The following PRELID2 variants were observed in gnomAD, a reference collection of about 807,000 sequenced individuals.
The protein encoded by PRELID2 is PRELI domain-containing protein 2.
In PRELID2, 25 loss-of-function variants were observed where a neutral mutation model predicts 28.4. The ratio of observed to expected loss-of-function variants is 0.88; its 90% CI spans 0.64 to 1.23. The LOEUF (loss-of-function observed/expected upper bound fraction) is 1.23. PRELID2 is among the 50% of genes most tolerant of loss of function. The pLI is 0.00. For missense variants in PRELID2, 201 were observed against 214.4 expected (o/e 0.94, Z 0.39); for synonymous variants, 76 against 71.6 (o/e 1.06, Z -0.31).
intron 1 of PRELID2, among the ~76,000 whole-genome samples, chr5:145,828,465 T>C (rs924372645): frequency 6.6e-6 from 1 of 152,160 alleles, no homozygotes; most frequent in Non-Finnish European, 1.5e-5. Flanking sequence ...TAGAAGATAA[T>C]ATATCTGATT....
At chr5:145,683,376 T>A (rs777513681) in intron 1 of PRELID2, among the ~76,000 whole-genome samples, 20 of 152,202 alleles carry the variant, frequency 1.3e-4, no homozygotes, top group Non-Finnish European at 2.4e-4. Flanking sequence ...ACCAGTATAC[T>A]GGTGTGCTAG....
intron 1 of PRELID2, among the ~76,000 whole-genome samples, chr5:145,708,346 T>C (rs1443818210): frequency 2.0e-5 from 3 of 152,234 alleles, no homozygotes; most frequent in Non-Finnish European, 4.4e-5. Context: ...ATTGGCTGTG[T>C]GACCTTAAGC....
chr5:145,572,893 G>A (rs1374386005), intron 1 of PRELID2, among the ~76,000 whole-genome samples: 1 of 152,084 alleles, frequency 6.6e-6, no homozygotes, highest in African/African-American at 2.4e-5. Flanking sequence ...ACTCTTGTGG[G>A]GTATACTTTG....
intron 1 of PRELID2, among the ~76,000 whole-genome samples, chr5:145,557,379 C>G (rs1389714177): frequency 6.6e-6 from 1 of 152,178 alleles, no homozygotes; most frequent in Non-Finnish European, 1.5e-5. Context: ...GGACCAAAAT[C>G]ATTTAGAAAC....
At chr5:145,317,543 C>A in the PRELID2 span, among the ~76,000 whole-genome samples, 1 of 152,130 alleles carries the variant, frequency 6.6e-6, no homozygotes, top group Non-Finnish European at 1.5e-5. Context: ...CTTTGTTTAC[C>A]AGTCTGCCAG....
the PRELID2 span, among the ~76,000 whole-genome samples, chr5:145,266,645 A>G: frequency 1.3e-5 from 2 of 152,188 alleles, no homozygotes; most frequent in African/African-American, 4.8e-5. Context: ...TCCTTAAAGA[A>G]CTAAAAGTTG....
At chr5:145,643,315 T>C (rs188082073) in intron 1 of PRELID2, among the ~76,000 whole-genome samples, 1 of 152,264 alleles carries the variant, frequency 6.6e-6, no homozygotes, top group African/African-American at 2.4e-5. Flanking sequence ...TGGCTCTTTG[T>C]CTGTTATTGG....
chr5:145,708,624 A>G (rs872566), intron 1 of PRELID2, among the ~76,000 whole-genome samples: 29,775 of 152,098 alleles, frequency 0.2, 3,510 homozygotes, highest in African/African-American at 0.33. Flanking sequence ...TATTCTCTAC[A>G]TTTGCATTGC....
the PRELID2 span, among the ~76,000 whole-genome samples, chr5:145,335,125 C>T: frequency 6.6e-6 from 1 of 151,838 alleles, no homozygotes; most frequent in Non-Finnish European, 1.5e-5. Context: ...TGATGGTGTC[C>T]TATAAATTCC....
chr5:145,281,061 C>T, the PRELID2 span, among the ~76,000 whole-genome samples: 1 of 152,044 alleles, frequency 6.6e-6, no homozygotes. Context: ...TTTGTTGGCT[C>T]CATTCTCAGG....
intron 1 of PRELID2, among the ~76,000 whole-genome samples, chr5:145,706,862 T>C (rs576559810): frequency 6.6e-6 from 1 of 152,344 alleles, no homozygotes; most frequent in South Asian, 2.1e-4. Flanking sequence ...ACCTGGCAGC[T>C]GGCAAAGCCG....
intron 1 of PRELID2, among the ~76,000 whole-genome samples, chr5:145,691,410 A>G (rs140334982): frequency 1.2e-4 from 19 of 152,302 alleles, no homozygotes; most frequent in Admixed American, 3.3e-4. Flanking sequence ...AGCTTCAGTA[A>G]TTATCTAAGA....
chr5:145,495,845 A>T (rs750925758), intron 1 of PRELID2, among the ~76,000 whole-genome samples: 1 of 152,252 alleles, frequency 6.6e-6, no homozygotes, highest in Non-Finnish European at 1.5e-5. Context: ...AAACTCTTCA[A>T]TTCCCCTGGG....
chr5:145,251,265 G>A, the PRELID2 span, among the ~76,000 whole-genome samples: 62 of 152,196 alleles, frequency 4.1e-4, no homozygotes, highest in African/African-American at 1.4e-3. Flanking sequence ...TACTATTGCT[G>A]AGCATAGTAA....
At chr5:145,363,873 T>A in the PRELID2 span, among the ~76,000 whole-genome samples, 2 of 152,152 alleles carry the variant, frequency 1.3e-5, no homozygotes, top group East Asian at 3.9e-4. Context: ...TAGCTGCACA[T>A]ACCTATTCAA....
intron 1 of PRELID2, among the ~76,000 whole-genome samples, chr5:145,744,200 G>C (rs1174249619): frequency 6.6e-6 from 1 of 152,238 alleles, no homozygotes; most frequent in Middle Eastern, 3.2e-3. Flanking sequence ...CCTCAGGGGA[G>C]GGGTGGCCAC....
chr5:145,319,256 T>C, the PRELID2 span, among the ~76,000 whole-genome samples: 1 of 152,224 alleles, frequency 6.6e-6, no homozygotes, highest in Non-Finnish European at 1.5e-5. Context: ...CCCTGCTTCC[T>C]GTCCATATCA....
At chr5:145,343,270 A>G in the PRELID2 span, among the ~76,000 whole-genome samples, 4 of 152,014 alleles carry the variant, frequency 2.6e-5, no homozygotes, top group African/African-American at 4.8e-5. Context: ...CACATGTTAT[A>G]GGCCACAAAA....
In PRELID2 at chr5:145,757,645, A is replaced by C. The variant is rs1398743685; in HGVS notation, c.*2891T>G. 6.6e-6 allele frequency among the ~76,000 whole-genome samples: 1 copy of C among 152,082 alleles called. No individual in the cohort carries two copies. Among genetic ancestry groups the C allele is most frequent in the Non-Finnish European group, 1.5e-5 (1 of 68,000 alleles). On this transcript the variant is annotated 3_prime_UTR_variant, in exon 7 of 7. Transcript: ENST00000683046. ...GTTTTATCACAAAACATATAATTTA[A>C]AAAAATTAACAAGCCCTAATTAATT...
Sources: gnomAD v4.1 joint callset for allele counts (sites outside exome capture counted in the v4.1 genomes callset) on GRCh38, gnomAD v4.1.1 for gene constraint, MANE v1.5 for transcripts, NCBI Gene and HGNC (gene_info 2026-07-23, HGNC 2026-07-21) for gene names.